Variants in CSPP1 observed in about 807,000 individuals in gnomAD.
CSPP1 encodes the protein centrosome and spindle pole associated protein 1, also known as centrosome and spindle pole-associated protein 1.
In CSPP1, 126 loss-of-function variants were observed where a neutral mutation model predicts 164.4. That is an observed-to-expected ratio of 0.77 (90% CI 0.66 to 0.89). The LOEUF (loss-of-function observed/expected upper bound fraction) is 0.89, where lower values mean the gene tolerates loss of function less well. CSPP1 is among the 40% of genes least tolerant of loss of function. CSPP1 has a pLI of 0.00. For missense variants in CSPP1, 1,395 were observed against 1,449.8 expected (o/e 0.96, Z 0.61); for synonymous variants, 472 against 476.7 (o/e 0.99, Z 0.13).
intron 10 of CSPP1, among the ~76,000 whole-genome samples, chr8:67,112,911 T>C (rs1360233442): frequency 6.6e-6 from 1 of 152,162 alleles, no homozygotes; most frequent in Admixed American, 6.6e-5. Flanking sequence ...GATATTATAG[T>C]TTAAAATTAG....
At chr8:67,173,002 A>G in intron 25 of CSPP1, 1 of 153,020 alleles carries the variant, frequency 6.5e-6, no homozygotes, top group Non-Finnish European at 1.5e-5. Flanking sequence ...CAGTTGGATG[A>G]GGTCATTGGT....
intron 28 of CSPP1, among the ~76,000 whole-genome samples, chr8:67,183,319 A>G (rs548434862): frequency 1.3e-5 from 2 of 152,368 alleles, no homozygotes; most frequent in East Asian, 1.9e-4. Context: ...GTCGAAAGAC[A>G]ACTTCATTAA....
chr8:67,168,348 G>A (rs1829879542), intron 24 of CSPP1, among the ~76,000 whole-genome samples: 1 of 151,170 alleles, frequency 6.6e-6, no homozygotes, highest in Non-Finnish European at 1.5e-5. Flanking sequence ...GGGGGAGAGG[G>A]AGAGGGAGAC....
chr8:67,159,892 C>CTT (rs1442552072), intron 21 of CSPP1, among the ~76,000 whole-genome samples: 2 of 66,298 alleles, frequency 3.0e-5, no homozygotes, highest in African/African-American at 7.3e-5. Context: ...TTCTTTCTTT[C>CTT]TTTCTTTCTT....
At chr8:67,185,990 A>C (rs1834477540) in intron 28 of CSPP1, among the ~76,000 whole-genome samples, 1 of 152,212 alleles carries the variant, frequency 6.6e-6, no homozygotes. Context: ...AAGTATAGGA[A>C]AAGGTGGTTC....
intron 28 of CSPP1, 79 bp downstream of exon 28, chr8:67,180,005 C>A: frequency 2.7e-6 from 2 of 742,836 alleles, no homozygotes; most frequent in South Asian, 1.8e-5. Flanking sequence ...GTACTGTATT[C>A]CTTGTTGTAC....
At chr8:67,168,079 G>C (rs555552165) in intron 24 of CSPP1, among the ~76,000 whole-genome samples, 1 of 152,212 alleles carries the variant, frequency 6.6e-6, no homozygotes, top group Non-Finnish European at 1.5e-5. Flanking sequence ...CAGATCACTC[G>C]TGGTTAGGAG....
At chr8:67,090,344 G>T (rs1163373003) in intron 4 of CSPP1, among the ~76,000 whole-genome samples, 1 of 152,062 alleles carries the variant, frequency 6.6e-6, no homozygotes, top group Non-Finnish European at 1.5e-5. Flanking sequence ...GAGTGCGGTG[G>T]TGCTGATCTT....
At chr8:67,120,975 T>C (rs1368457818) in intron 15 of CSPP1, among the ~76,000 whole-genome samples, 1 of 152,036 alleles carries the variant, frequency 6.6e-6, no homozygotes, top group Admixed American at 6.6e-5. Flanking sequence ...TGGCTCAGCC[T>C]CCTGAGAAAC....
chr8:67,186,813 T>C (rs899907033), intron 28 of CSPP1, among the ~76,000 whole-genome samples: 2 of 152,210 alleles, frequency 1.3e-5, no homozygotes, highest in African/African-American at 2.4e-5. Context: ...AGTAAGCAGT[T>C]ATAATCAAGT....
At chr8:67,103,157 C>A (rs1440853896) in intron 8 of CSPP1, 22 bp downstream of exon 8, 3 of 1,408,508 alleles carry the variant, frequency 2.1e-6, no homozygotes, top group East Asian at 2.3e-5. Context: ...AATATAAATT[C>A]TCTGCTTTAG....
Position 67,091,802 on chromosome 8 carries a change from G to A in CSPP1, c.304-1G>A. 2 of 1,275,996 alleles carry A rather than the reference G, an allele frequency of 1.6e-6. No individual in the cohort carries two copies. The highest frequency in any genetic ancestry group is 2.1e-6 in the Non-Finnish European group (2 of 960,272). 79.0% of individuals were successfully genotyped at this position (1,275,996 alleles called of 1,614,324 possible). The stretch of plus-strand genomic sequence containing the variant: ...TATTTTTTTAATGTGTATATATACA[G>A]AAAAATTTTCTATCTACGAGTGAAA... On this transcript the variant is annotated splice_acceptor_variant, in intron 4 of 30. Transcript: ENST00000678616. LOFTEE classifies it high-confidence loss of function.
intron 24 of CSPP1, among the ~76,000 whole-genome samples, chr8:67,165,068 A>G (rs950303453): frequency 2.0e-5 from 3 of 152,334 alleles, no homozygotes; most frequent in Admixed American, 6.5e-5. Context: ...GCGGATCACG[A>G]GGTCAGGAGA....
chr8:67,064,428 A>G lies in CSPP1; in HGVS notation c.-121A>G, dbSNP rs181470846. 6.9e-3 allele frequency: 11,182 copies of G among 1,613,876 alleles called. 46 individuals carry two copies. Among genetic ancestry groups the G allele is most frequent in the Non-Finnish European group, 8.5e-3 (10,014 of 1,179,876 alleles). On this transcript the variant is annotated 5_prime_UTR_variant, in exon 1 of 31. Coordinates refer to ENST00000678616, the MANE Select transcript of CSPP1 (RefSeq NM_001382391.1). Reference sequence around the variant, plus strand: ...TGTTCCCGCTCCAGGTGGCCGCTGTAACCTCTTCGGTCCGCGACGATCCTC... The same window carrying G: ...TGTTCCCGCTCCAGGTGGCCGCTGTGACCTCTTCGGTCCGCGACGATCCTC...
At chr8:67,150,118 A>C (rs1259929549) in intron 18 of CSPP1, among the ~76,000 whole-genome samples, 183 bp downstream of exon 18, 1 of 152,136 alleles carries the variant, frequency 6.6e-6, no homozygotes, top group African/African-American at 2.4e-5. Flanking sequence ...AAAGGTGAAT[A>C]GGGAAAGGTT....
intron 26 of CSPP1, among the ~76,000 whole-genome samples, chr8:67,177,384 T>C (rs1459926154): frequency 1.3e-5 from 2 of 152,220 alleles, no homozygotes; most frequent in Non-Finnish European, 2.9e-5. Context: ...TGTAGAAATC[T>C]GACAAGATGG....
chr8:67,149,999 T>A, intron 18 of CSPP1, 64 bp downstream of exon 18: 1 of 1,424,066 alleles, frequency 7.0e-7, no homozygotes, highest in Non-Finnish European at 9.3e-7. Flanking sequence ...CAGTAACATT[T>A]CTGTTCTGTG....
chr8:67,151,959 G>A (rs572822636), intron 18 of CSPP1, among the ~76,000 whole-genome samples: 2 of 151,792 alleles, frequency 1.3e-5, no homozygotes, highest in East Asian at 3.9e-4. Flanking sequence ...GTGGTGGCAT[G>A]TGCCTGTAGT....
intron 3 of CSPP1, among the ~76,000 whole-genome samples, chr8:67,085,269 A>G (rs891439079): frequency 4.6e-5 from 7 of 152,062 alleles, no homozygotes; most frequent in African/African-American, 1.4e-4. Flanking sequence ...ACATTTTACC[A>G]CAATAAAAAT....
Sources: allele counts gnomAD v4.1 joint callset (sites outside exome capture counted in the v4.1 genomes callset), GRCh38; gene constraint gnomAD v4.1.1; transcripts MANE v1.5; gene names NCBI Gene and HGNC (gene_info 2026-07-23, HGNC 2026-07-21).